Variants in MAF observed in about 807,000 individuals in gnomAD.
The protein encoded by MAF is transcription factor Maf.
Under a neutral mutation model 22.0 loss-of-function variants are expected in MAF, and 10 were observed. The ratio of observed to expected loss-of-function variants is 0.45; its 90% CI spans 0.28 to 0.77. The LOEUF is 0.77. Among genes scored for constraint, MAF ranks in the 30% least tolerant of loss-of-function variants. The pLI is 0.12. For synonymous variants in MAF, 337 were observed against 255.8 expected (o/e 1.32, Z -3.03); for missense variants, 544 against 548.4 (o/e 0.99, Z 0.08).
chr16:79,335,115 G>T, the MAF span, among the ~76,000 whole-genome samples: 1 of 150,378 alleles, frequency 6.6e-6, no homozygotes, highest in East Asian at 2.0e-4. Flanking sequence ...AAACTGGGAG[G>T]CAGATGTTGC....
At chr16:79,561,989 G>A in the MAF span, among the ~76,000 whole-genome samples, 1 of 152,148 alleles carries the variant, frequency 6.6e-6, no homozygotes, top group Non-Finnish European at 1.5e-5. Flanking sequence ...TTTGTCCCCA[G>A]GCTCACAATC....
At chr16:79,235,393 A>G in the MAF span, among the ~76,000 whole-genome samples, 1 of 151,824 alleles carries the variant, frequency 6.6e-6, no homozygotes, top group African/African-American at 2.4e-5. Flanking sequence ...TCCCTAGAAA[A>G]AATAAAAAAT....
chr16:79,380,484 G>C, the MAF span, among the ~76,000 whole-genome samples: 1 of 152,138 alleles, frequency 6.6e-6, no homozygotes, highest in Admixed American at 6.5e-5. Flanking sequence ...TTTTACAGAG[G>C]AAAAGTGAAA....
At position 79,600,029 on chromosome 16, in the gene MAF, C is replaced by G; in HGVS notation, c.-127G>C. 7.3e-7 allele frequency: 1 copy of G among 1,370,860 alleles called. No homozygotes were observed. Among genetic ancestry groups the G allele is most frequent in the South Asian group, 1.3e-5 (1 of 78,592 alleles). 84.9% of individuals were successfully genotyped at this position (1,370,860 alleles called of 1,614,324 possible). A position where few individuals can be genotyped will look rare whatever the true frequency, so the allele number is the denominator to read the frequency against. ...CGGGCTGGGGCGCTTCTAGCTTGCG[C>G]GGCGGTGGCTGGCCCGAAACCTCCG... On this transcript the variant is annotated 5_prime_UTR_variant, in exon 1 of 2. Transcript: ENST00000326043.
chr16:79,426,781 G>A, the MAF span, among the ~76,000 whole-genome samples: 1 of 152,222 alleles, frequency 6.6e-6, no homozygotes, highest in Non-Finnish European at 1.5e-5. Flanking sequence ...TTAGACAAAG[G>A]GTGGTTTTTC....
chr16:79,207,578 A>T, the MAF span, among the ~76,000 whole-genome samples: 3 of 152,254 alleles, frequency 2.0e-5, no homozygotes, highest in African/African-American at 2.4e-5. Flanking sequence ...TCTCACAATC[A>T]TTGAATATAT....
chr16:79,222,302 C>A, the MAF span, among the ~76,000 whole-genome samples: 1 of 152,122 alleles, frequency 6.6e-6, no homozygotes, highest in Non-Finnish European at 1.5e-5. Flanking sequence ...GATTTTATCA[C>A]CACCAGGCCT....
At chr16:79,468,184 A>G in the MAF span, among the ~76,000 whole-genome samples, 3 of 152,166 alleles carry the variant, frequency 2.0e-5, no homozygotes, top group Non-Finnish European at 2.9e-5. Context: ...AGGGCCCTGC[A>G]CATACTCACG....
At chr16:79,595,151 T>C (rs2143764827) in intron 1 of MAF, 1 of 1,037,522 alleles carries the variant, frequency 9.6e-7, no homozygotes, top group Middle Eastern at 4.4e-4. Context: ...GAAAGAAATA[T>C]CTGAAGTCAA....
At chr16:79,472,477 G>A in the MAF span, among the ~76,000 whole-genome samples, 1 of 152,076 alleles carries the variant, frequency 6.6e-6, no homozygotes, top group Non-Finnish European at 1.5e-5. Context: ...CACATCAGGG[G>A]GAAACCTCGA....
the MAF span, among the ~76,000 whole-genome samples, chr16:79,332,594 T>C: frequency 6.6e-6 from 1 of 152,240 alleles, no homozygotes; most frequent in African/African-American, 2.4e-5. Flanking sequence ...CCACCACGCC[T>C]GACTCACAAT....
the MAF span, among the ~76,000 whole-genome samples, chr16:79,348,153 C>T: frequency 2.8e-3 from 427 of 152,338 alleles, 3 homozygotes; most frequent in Middle Eastern, 0.02. Context: ...GATGGCCAAA[C>T]GGCCTCAGAG....
the MAF span, among the ~76,000 whole-genome samples, chr16:79,366,295 T>C: frequency 6.6e-6 from 1 of 152,284 alleles, no homozygotes. Flanking sequence ...CAAATATCTG[T>C]TGGAAACTTA....
the MAF span, among the ~76,000 whole-genome samples, chr16:79,334,990 G>C: frequency 6.6e-6 from 1 of 151,694 alleles, no homozygotes; most frequent in African/African-American, 2.4e-5. Context: ...ATTGAGACCA[G>C]CCTGGCCAAC....
At chr16:79,376,521 A>AT in the MAF span, among the ~76,000 whole-genome samples, 5 of 151,310 alleles carry the variant, frequency 3.3e-5, no homozygotes, top group South Asian at 4.2e-4. Flanking sequence ...ATTTTATTTT[A>AT]TTTTTTTTCT....
the MAF span, among the ~76,000 whole-genome samples, chr16:79,385,447 A>G: frequency 3.3e-5 from 5 of 152,204 alleles, no homozygotes; most frequent in East Asian, 1.9e-4. Context: ...CCTGTTCTCT[A>G]TGTAAGAACA....
At chr16:79,386,499 C>A in the MAF span, among the ~76,000 whole-genome samples, 1 of 152,108 alleles carries the variant, frequency 6.6e-6, no homozygotes, top group African/African-American at 2.4e-5. Flanking sequence ...TGGCTGTAAA[C>A]ACAGATGAAG....
At chr16:79,429,141 G>A in the MAF span, among the ~76,000 whole-genome samples, 1 of 152,160 alleles carries the variant, frequency 6.6e-6, no homozygotes, top group African/African-American at 2.4e-5. Flanking sequence ...CACATCCGTG[G>A]GAGGGCTACC....
chr16:79,411,518 G>C, the MAF span, among the ~76,000 whole-genome samples: 20 of 152,308 alleles, frequency 1.3e-4, no homozygotes, highest in East Asian at 3.3e-3. Context: ...CAGAAGATGA[G>C]AGCCCTGCAG....
Sources: allele counts gnomAD v4.1 joint callset (sites outside exome capture counted in the v4.1 genomes callset), GRCh38; gene constraint gnomAD v4.1.1; transcripts MANE v1.5; gene names NCBI Gene and HGNC (gene_info 2026-07-23, HGNC 2026-07-21).